The following SCAPER variants were observed in gnomAD, a reference collection of about 807,000 sequenced individuals.
SCAPER encodes the protein S-phase cyclin A associated protein in the ER.
SCAPER carries 98 observed loss-of-function variants against 182.2 expected under a neutral mutation model. That is an observed-to-expected ratio of 0.54 (90% CI 0.46 to 0.64). The LOEUF (loss-of-function observed/expected upper bound fraction) is 0.64. Among genes scored for constraint, SCAPER ranks in the 30% least tolerant of loss-of-function variants. The probability of loss-of-function intolerance (pLI) is 0.00; values close to 1 mark genes in which losing one functional copy is unlikely to be tolerated. For synonymous variants in SCAPER, 605 were observed against 564.6 expected, an observed-to-expected ratio of 1.07 and a Z score of -1.01; for missense variants, 1,432 against 1,690.0, an observed-to-expected ratio of 0.85 and a Z score of 2.68.
At chr15:76,893,329 A>T (rs1005706555) in intron 1 of SCAPER, among the ~76,000 whole-genome samples, 2 of 152,066 alleles carry the variant, frequency 1.3e-5, no homozygotes, top group African/African-American at 2.4e-5. Context: ...GTATAATAAT[A>T]AAAAAAAGTC....
intron 16 of SCAPER, 101 bp from the exon 17 acceptor site, chr15:76,728,838 T>G (rs1238614694): frequency 2.4e-6 from 3 of 1,269,626 alleles, no homozygotes; most frequent in South Asian, 1.6e-5. Flanking sequence ...TCAAGCCAAG[T>G]AGAAACATGG....
intron 7 of SCAPER, among the ~76,000 whole-genome samples, chr15:76,799,091 G>A (rs2065556141): frequency 6.6e-6 from 1 of 152,106 alleles, no homozygotes; most frequent in African/African-American, 2.4e-5. Context: ...TGTTGAGCTT[G>A]TAATATATAA....
chr15:76,887,558 G>C (rs2073911431), intron 1 of SCAPER, among the ~76,000 whole-genome samples: 1 of 152,218 alleles, frequency 6.6e-6, no homozygotes, highest in Non-Finnish European at 1.5e-5. Context: ...TGCTAGTGTA[G>C]CAGTCTAAGA....
At chr15:76,722,307 T>C (rs1194005414) in intron 17 of SCAPER, among the ~76,000 whole-genome samples, 2 of 152,192 alleles carry the variant, frequency 1.3e-5, no homozygotes, top group Non-Finnish European at 2.9e-5. Context: ...AGCTTTTCGA[T>C]GTGTTGCTGG....
chr15:76,404,427 T>C (rs3743175), intron 27 of SCAPER, 97 bp downstream of exon 27: 80,647 of 1,209,514 alleles, frequency 0.067, 3,055 homozygotes, highest in African/African-American at 0.1. Context: ...ATGGCCAAGA[T>C]GACCACTTGA....
At chr15:76,509,261 C>T (rs1378558420) in intron 23 of SCAPER, among the ~76,000 whole-genome samples, 1 of 152,126 alleles carries the variant, frequency 6.6e-6, no homozygotes, top group Non-Finnish European at 1.5e-5. Flanking sequence ...AGATTATCCC[C>T]TCTTCTTCAG....
At chr15:76,427,384 C>T (rs145217601) in intron 26 of SCAPER, among the ~76,000 whole-genome samples, 27 of 152,114 alleles carry the variant, frequency 1.8e-4, no homozygotes, top group African/African-American at 5.5e-4. Context: ...AACTAAATAA[C>T]CCAATTCAAA....
intron 21 of SCAPER, among the ~76,000 whole-genome samples, chr15:76,623,450 T>C (rs2052285644): frequency 6.6e-6 from 1 of 152,212 alleles, no homozygotes; most frequent in Admixed American, 6.5e-5. Flanking sequence ...GTCTAATTTA[T>C]TTCTTCTGCA....
At chr15:76,828,045 A>G (rs1219219201) in intron 5 of SCAPER, among the ~76,000 whole-genome samples, 1 of 152,054 alleles carries the variant, frequency 6.6e-6, no homozygotes, top group Non-Finnish European at 1.5e-5. Flanking sequence ...TGCATTTATT[A>G]AGAGGAGAAA....
chr15:76,692,506 T>C (rs1004943669), intron 20 of SCAPER, among the ~76,000 whole-genome samples: 4 of 151,698 alleles, frequency 2.6e-5, no homozygotes, highest in Non-Finnish European at 5.9e-5. Context: ...CCGGCCAAAG[T>C]GGTGAAACCT....
rs555549002 is a variant in SCAPER at position 76,821,652 on chromosome 15, C to T, written c.394-17019G>A. Among the ~76,000 whole-genome samples, 5 of 151,988 alleles carry T rather than the reference C, an allele frequency of 3.3e-5. No homozygotes were observed. In the South Asian group the frequency reaches 6.2e-4, roughly 19 times the overall value. On this transcript the variant is annotated intron_variant, in intron 5 of 31. Transcript: ENST00000563290. ...ACAAAACAAAACACCACAGTGGGGCCGGGCACGGTGGCTCACACCCGTAAT... is the reference window on the plus strand; with the variant it reads ...ACAAAACAAAACACCACAGTGGGGCTGGGCACGGTGGCTCACACCCGTAAT...
At position 76,395,597 on chromosome 15, in the gene SCAPER, C is replaced by G. The variant is rs546661667; in HGVS notation, c.3467+8927G>C. ...TTTTGATTTGCATTTCTCTGATGAT[C>G]AATGATGTTGAGCACCTTTTCATAT... On this transcript the variant is annotated intron_variant, in intron 27 of 31. Coordinates refer to ENST00000563290, the MANE Select transcript of SCAPER (RefSeq NM_020843.4). 5.3e-5 allele frequency among the ~76,000 whole-genome samples: 8 copies of G among 152,258 alleles called. No homozygotes were observed. The East Asian group carries it at 1.5e-3, about 29-fold the overall frequency.
chr15:76,454,161 TG>T (rs760117102), intron 25 of SCAPER, among the ~76,000 whole-genome samples: 1 of 152,188 alleles, frequency 6.6e-6, no homozygotes, highest in African/African-American at 2.4e-5. Context: ...TTGCTAAGGA[TG>T]TTTTTTTTTC....
At chr15:76,374,854 C>A (rs1356600006) in intron 29 of SCAPER, among the ~76,000 whole-genome samples, 1 of 151,906 alleles carries the variant, frequency 6.6e-6, no homozygotes, top group Non-Finnish European at 1.5e-5. Flanking sequence ...ATGCCATAAT[C>A]CCAGTTTCAA....
intron 24 of SCAPER, among the ~76,000 whole-genome samples, chr15:76,489,484 G>GT (rs2052059574): frequency 6.6e-6 from 1 of 151,474 alleles, no homozygotes; most frequent in Admixed American, 6.6e-5. Context: ...TATTCCTGTA[G>GT]TTTTGCCTTC....
At chr15:76,559,285 A>T (rs2046424117) in intron 23 of SCAPER, among the ~76,000 whole-genome samples, 1 of 144,642 alleles carries the variant, frequency 6.9e-6, no homozygotes, top group Non-Finnish European at 1.5e-5. Flanking sequence ...CAAACTCCTG[A>T]CCTCAAGTGA....
chr15:76,556,076 G>A (rs572691771), intron 23 of SCAPER, among the ~76,000 whole-genome samples: 1 of 152,198 alleles, frequency 6.6e-6, no homozygotes, highest in South Asian at 2.1e-4. Flanking sequence ...TACTAGGACG[G>A]CCACTGAAAA....
chr15:76,615,371 G>T (rs145617637), intron 22 of SCAPER, among the ~76,000 whole-genome samples: 1 of 151,724 alleles, frequency 6.6e-6, no homozygotes, highest in Non-Finnish European at 1.5e-5. Context: ...CTTTGAACCC[G>T]GGAGGCAGAG....
At chr15:76,407,193 T>C (rs2044913385) in intron 26 of SCAPER, among the ~76,000 whole-genome samples, 1 of 152,216 alleles carries the variant, frequency 6.6e-6, no homozygotes, top group Admixed American at 6.5e-5. Context: ...ACTTAGATAG[T>C]ATAGCCTAAC....
Sources: allele counts gnomAD v4.1 joint callset (sites outside exome capture counted in the v4.1 genomes callset), GRCh38; gene constraint gnomAD v4.1.1; transcripts MANE v1.5; gene names NCBI Gene and HGNC (gene_info 2026-07-23, HGNC 2026-07-21).